CNBD2: variants seen among roughly 807,000 people sequenced by gnomAD.
CNBD2 encodes the protein cyclic nucleotide-binding domain-containing protein 2.
A neutral mutation model predicts 63.7 loss-of-function variants in CNBD2; 64 were observed. The observed-to-expected ratio is 1.00, with a 90% CI of 0.82 to 1.24. The LOEUF (loss-of-function observed/expected upper bound fraction) is 1.24. Ranked by LOEUF, CNBD2 falls within the 50% of genes most tolerant of loss-of-function variation. CNBD2 has a pLI of 0.00. For missense variants in CNBD2, 691 were observed against 713.5 expected (o/e 0.97, Z 0.36); for synonymous variants, 229 against 255.4 (o/e 0.90, Z 0.99).
chr20:36,030,511 C>T lies in CNBD2; in HGVS notation c.1594C>T (p.Leu532=), dbSNP rs1601118023. The change falls in exon 12 of 12, where the codon CTG becomes TTG. Residue 532 remains leucine (L), a synonymous_variant. Transcript: ENST00000373973. The stretch of plus-strand genomic sequence containing the variant: ...GATCTACAACCCTAAGTCTGTGGTC[C>T]TGGATTTGTGCAGCATCAACAAGAC... ...REIYNPKSVV[L]DLCSINKTTK... The T allele has an allele frequency of 1.9e-6, 3 of 1,614,156 alleles. No individual in the cohort carries two copies. The highest frequency in any genetic ancestry group is 2.2e-5 in the South Asian group (2 of 91,082).
chr20:36,017,128 T>G (rs1465358544), intron 10 of CNBD2, among the ~76,000 whole-genome samples: 2 of 151,100 alleles, frequency 1.3e-5, no homozygotes, highest in Non-Finnish European at 2.9e-5. Flanking sequence ...GGCTATGAGC[T>G]GATCACTATG....
At chr20:35,980,787 C>G (rs750362819) in intron 4 of CNBD2, among the ~76,000 whole-genome samples, 165 bp downstream of exon 4, 7 of 152,292 alleles carry the variant, frequency 4.6e-5, no homozygotes, top group Non-Finnish European at 8.8e-5. Flanking sequence ...GTCGCAGCAC[C>G]CTTTATCTCG....
At position 36,023,789 on chromosome 20, in the gene CNBD2, G is replaced by A. The variant is rs1442052324; in HGVS notation, c.1439+18G>A. 1.9e-6 allele frequency: 3 copies of A among 1,569,110 alleles called. No homozygotes were observed. The South Asian group carries it at 3.6e-5, about 19-fold the overall frequency. On this transcript the variant is annotated intron_variant, in intron 11 of 11. Transcript: ENST00000373973. ...TTCCCCAGGTCAGTACTGGAAATGT[G>A]CGTAAGTCCCATCAGGTGAAATGAA... is the stretch of plus-strand genomic sequence containing the variant.
chr20:35,963,354 A>T (rs2056322255), intron 2 of CNBD2, among the ~76,000 whole-genome samples: 1 of 151,790 alleles, frequency 6.6e-6, no homozygotes, highest in African/African-American at 2.4e-5. Context: ...ATTAAAAAAA[A>T]AAAAAAGGAA....
intron 1 of CNBD2, among the ~76,000 whole-genome samples, chr20:35,970,940 TTTTC>T (rs1032000264): frequency 6.6e-6 from 1 of 151,196 alleles, no homozygotes; most frequent in Non-Finnish European, 1.5e-5. Context: ...TTTTGCATTT[TTTTC>T]TTTTTCTTTT....
At chr20:35,975,912 C>G in intron 2 of CNBD2, 37 bp from the exon 3 acceptor site, 1 of 1,595,996 alleles carries the variant, frequency 6.3e-7, no homozygotes, top group Non-Finnish European at 8.6e-7. Flanking sequence ...GGCAGTCTTG[C>G]TGATTCTCCC....
intron 9 of CNBD2, 87 bp from the exon 10 acceptor site, chr20:36,011,050 T>C: frequency 1.1e-5 from 14 of 1,304,872 alleles, no homozygotes; most frequent in Non-Finnish European, 1.4e-5. Context: ...GAGCCCTCCA[T>C]GTGCAGAAGA....
chr20:35,998,076 C>G (rs555764606), intron 8 of CNBD2, among the ~76,000 whole-genome samples: 1 of 136,028 alleles, frequency 7.4e-6, no homozygotes, highest in East Asian at 2.1e-4. Flanking sequence ...GAGTCTCGCT[C>G]TGTCACCCAG....
intron 11 of CNBD2, 58 bp downstream of exon 11, chr20:36,023,829 T>G (rs1165579293): frequency 3.5e-6 from 5 of 1,448,834 alleles, no homozygotes; most frequent in Non-Finnish European, 4.6e-6. Flanking sequence ...TTTTCACCTG[T>G]TATTTTAGTA....
In CNBD2 at chr20:35,995,144, A is replaced by C; in HGVS notation, c.962A>C (p.His321Pro). Residue 321 changes from histidine (H) to proline (P), a missense_variant, in exon 8 of 12, where the codon CAC (histidine) becomes CCC (proline). Transcript: ENST00000373973. Reference protein sequence around the residue: ...ELIDGRPLKTHLSEYSPMERF... With the variant: ...ELIDGRPLKTPLSEYSPMERF... Reference sequence around the variant, plus strand: ...ATAGATGGCAGACCTCTGAAGACCCACCTGAGTGGTAAGCTGCCTTGGCCT... The same window carrying C: ...ATAGATGGCAGACCTCTGAAGACCCCCCTGAGTGGTAAGCTGCCTTGGCCT... 1 of 1,612,486 alleles carries C rather than the reference A, an allele frequency of 6.2e-7. No individual in the cohort carries two copies. Among genetic ancestry groups the C allele is most frequent in the African/African-American group, 1.3e-5 (1 of 74,764 alleles).
intron 7 of CNBD2, 108 bp downstream of exon 7, chr20:35,987,641 A>G: frequency 7.9e-7 from 1 of 1,267,080 alleles, no homozygotes; most frequent in African/African-American, 1.5e-5. Flanking sequence ...CAACCTGTGC[A>G]ATTCACTTCC....
intron 3 of CNBD2, among the ~76,000 whole-genome samples, chr20:35,978,162 A>T (rs1273682475): frequency 6.6e-6 from 1 of 152,090 alleles, no homozygotes; most frequent in Non-Finnish European, 1.5e-5. Flanking sequence ...TACAGTCTTG[A>T]CATTTATGTA....
At chr20:35,973,228 T>C (rs2147204895) in intron 2 of CNBD2, 1 of 177,166 alleles carries the variant, frequency 5.6e-6, no homozygotes, top group African/African-American at 2.4e-5. Context: ...AAAGAAACCT[T>C]GGGAGTAGAG....
intron 4 of CNBD2, among the ~76,000 whole-genome samples, chr20:35,982,776 G>T (rs185057033): frequency 2.4e-4 from 37 of 151,596 alleles, no homozygotes; most frequent in Admixed American, 2.4e-3. Context: ...GCAGTGGTAT[G>T]ATCATGGCTC....
At chr20:35,980,698 C>A in intron 4 of CNBD2, 76 bp downstream of exon 4, 2 of 1,404,082 alleles carry the variant, frequency 1.4e-6, no homozygotes, top group Non-Finnish European at 2.0e-6. Flanking sequence ...GAAGGTGTGG[C>A]AGGTCCTGCC....
In CNBD2 at chr20:35,980,497, G is replaced by A. The variant is rs1290805071; in HGVS notation, c.282G>A (p.Lys94=). Residue 94 remains lysine, a synonymous_variant, in exon 4 of 12, where the codon AAG becomes AAA. Transcript: ENST00000373973. The stretch of plus-strand genomic sequence containing the variant: ...CAAAGGCCATTCAGATCATGCAGAA[G>A]AAGCCTTCCTGGAGAACAGAGGATG... The part of the protein sequence containing the change: ...FPPKAIQIMQ[K]KPSWRTEDEI... The A allele has an allele frequency of 1.2e-6, 2 of 1,614,218 alleles. No homozygotes were observed. Among genetic ancestry groups the A allele is most frequent in the Admixed American group, 1.7e-5 (1 of 60,030 alleles).
chr20:36,008,606 T>A, intron 9 of CNBD2, 132 bp downstream of exon 9: 1 of 852,854 alleles, frequency 1.2e-6, no homozygotes, highest in Non-Finnish European at 1.7e-6. Context: ...CAAAGGATTG[T>A]GCATGAGGCA....
chr20:35,957,740 A>G (rs1428173213), downstream of CNBD2: 1 of 152,254 alleles, frequency 6.6e-6, no homozygotes, highest in Non-Finnish European at 1.5e-5. Context: ...CCAAGATGTC[A>G]GAAGATGAAG....
intron 1 of CNBD2, among the ~76,000 whole-genome samples, chr20:35,970,303 A>T (rs980349596): frequency 6.6e-6 from 1 of 152,154 alleles, no homozygotes; most frequent in African/African-American, 2.4e-5. Context: ...TGTTGATTAT[A>T]TGCATAGTAA....
Sources: allele counts gnomAD v4.1 joint callset (sites outside exome capture counted in the v4.1 genomes callset), GRCh38; gene constraint gnomAD v4.1.1; transcripts MANE v1.5; gene names NCBI Gene and HGNC (gene_info 2026-07-23, HGNC 2026-07-21).